The following MIEF1 variants were observed in gnomAD, a reference collection of about 807,000 sequenced individuals.
MIEF1 encodes the protein mitochondrial dynamics protein MIEF1.
A neutral mutation model predicts 35.1 loss-of-function variants in MIEF1; 14 were observed. The ratio of observed to expected loss-of-function variants is 0.40; its 90% CI spans 0.26 to 0.62. The LOEUF (loss-of-function observed/expected upper bound fraction) is 0.62, where lower values mean the gene tolerates loss of function less well. MIEF1 is among the 20% of genes least tolerant of loss of function. The pLI is 0.43. For missense variants in MIEF1, 542 were observed against 615.4 expected, an observed-to-expected ratio of 0.88 and a Z score of 1.26; for synonymous variants, 245 against 254.3, an observed-to-expected ratio of 0.96 and a Z score of 0.35.
chr22:39,503,562 CTAA>C (rs1176893545), intron 1 of MIEF1: 1 of 152,216 alleles, frequency 6.6e-6, no homozygotes, highest in Non-Finnish European at 1.5e-5. Context: ...CTAGGTGCTA[CTAA>C]TAATATCTGC....
Position 39,514,901 on chromosome 22 carries a change from G to T in MIEF1, c.*578G>T. 3.6e-6 allele frequency: 1 copy of T among 276,128 alleles called. No individual in the cohort carries two copies. Among genetic ancestry groups the T allele is most frequent in the Non-Finnish European group, 6.9e-6 (1 of 145,710 alleles). The allele number at this position is 276,128 out of a possible 1,614,324, so 17.1% of individuals were successfully genotyped here. A position where few individuals can be genotyped will look rare whatever the true frequency, so the allele number is the denominator to read the frequency against. Reference sequence around the variant, plus strand: ...GGTAGAAGAGTTGGCCTTTGACCACGGTTCCTGGAGTAGAAGTCCATCCTC... The same window carrying T: ...GGTAGAAGAGTTGGCCTTTGACCACTGTTCCTGGAGTAGAAGTCCATCCTC... On this transcript the variant is annotated 3_prime_UTR_variant, in exon 6 of 6. Transcript: ENST00000325301.
Position 39,514,474 on chromosome 22 carries a change from T to C in MIEF1, c.*151T>C. 1.4e-6 allele frequency: 1 copy of C among 697,184 alleles called. No individual in the cohort carries two copies. The highest frequency in any genetic ancestry group is 2.4e-6 in the Non-Finnish European group (1 of 421,708). 43.2% of individuals were successfully genotyped at this position (697,184 alleles called of 1,614,324 possible). A position where few individuals can be genotyped will look rare whatever the true frequency, so the allele number is the denominator to read the frequency against. ...TCACTTCATGCTGATTAGAATGACA[T>C]CTCTTTCGTCTCCTATTTTGTTACC... is the stretch of plus-strand genomic sequence containing the variant. On this transcript the variant is annotated 3_prime_UTR_variant, in exon 6 of 6. Transcript: ENST00000325301.
chr22:39,517,297 T>C lies in MIEF1; in HGVS notation c.*2974T>C. 4.4e-6 allele frequency: 1 copy of C among 225,698 alleles called. No homozygotes were observed. The highest frequency in any genetic ancestry group is 5.0e-5 in the South Asian group (1 of 19,836). The allele number at this position is 225,698 out of a possible 1,614,324, so 14.0% of individuals were successfully genotyped here. On this transcript the variant is annotated 3_prime_UTR_variant, in exon 6 of 6. Coordinates refer to ENST00000325301, the MANE Select transcript of MIEF1 (RefSeq NM_019008.6). ...TTATTTTGGTTCTCCTCTGTTGCCC[T>C]TCCTAAAAAATGAGCTGAAGATGAC...
intron 5 of MIEF1, among the ~76,000 whole-genome samples, chr22:39,513,135 C>G (rs867817688): frequency 7.2e-6 from 1 of 138,262 alleles, no homozygotes; most frequent in Non-Finnish European, 1.5e-5. Flanking sequence ...GAGTCTTGTT[C>G]TGTTGCCCAG....
intron 5 of MIEF1, 104 bp from the exon 6 acceptor site, chr22:39,513,413 C>A: frequency 8.1e-7 from 1 of 1,239,104 alleles, no homozygotes; most frequent in Non-Finnish European, 1.1e-6. Context: ...CTAGAGTTCC[C>A]ATTCTTGCTG....
At position 39,515,165 on chromosome 22, in the gene MIEF1, G is replaced by A; in HGVS notation, c.*842G>A. 1 of 661,940 alleles carries A rather than the reference G, an allele frequency of 1.5e-6. No individual in the cohort carries two copies. The highest frequency in any genetic ancestry group is 1.7e-5 in the South Asian group (1 of 57,550). 41.0% of individuals were successfully genotyped at this position (661,940 alleles called of 1,614,324 possible). ...GGTCAGACAGACAAGGATGGGGACT[G>A]CCAGGGCACCACTTCATCATGAATG... is the stretch of plus-strand genomic sequence containing the variant. On this transcript the variant is annotated 3_prime_UTR_variant, in exon 6 of 6. Coordinates refer to ENST00000325301, the MANE Select transcript of MIEF1 (RefSeq NM_019008.6).
chr22:39,512,479 C>G lies in MIEF1; in HGVS notation c.570C>G (p.Leu190=), dbSNP rs750355881. ...PLRDMYLSGS[L]YDDLQVVTAD... Reference sequence around the variant, plus strand: ...GGGACATGTACTTGAGTGGCAGCCTCTACGATGACCTGCAGGTAACAAGGT... The same window carrying G: ...GGGACATGTACTTGAGTGGCAGCCTGTACGATGACCTGCAGGTAACAAGGT... The change falls in exon 5 of 6, where the codon CTC becomes CTG. Residue 190 remains leucine, a synonymous_variant. Coordinates refer to ENST00000325301, the MANE Select transcript of MIEF1 (RefSeq NM_019008.6). 6.2e-7 allele frequency: 1 copy of G among 1,611,744 alleles called. No individual in the cohort carries two copies. The highest frequency in any genetic ancestry group is 1.1e-5 in the South Asian group (1 of 90,932).
chr22:39,515,244 G>GGAAC lies in MIEF1; in HGVS notation c.*923_*926dup, dbSNP rs1205517501. On this transcript the variant is annotated 3_prime_UTR_variant, in exon 6 of 6. Coordinates refer to ENST00000325301, the MANE Select transcript of MIEF1 (RefSeq NM_019008.6). Reference sequence around the variant, plus strand: ...TTGCCAATCAGGACAAGGCCTTGAAGGAACGCAGCCTTAGACATCAGGTGA... The same window carrying GGAAC: ...TTGCCAATCAGGACAAGGCCTTGAAGGAACGAACGCAGCCTTAGACATCAGGTGA... 4 of 716,474 alleles carry GGAAC rather than the reference G, an allele frequency of 5.6e-6. No individual in the cohort carries two copies. 44.4% of individuals were successfully genotyped at this position (716,474 alleles called of 1,614,324 possible).
At chr22:39,508,685 A>G (rs1279839729) in intron 2 of MIEF1, among the ~76,000 whole-genome samples, 1 of 152,122 alleles carries the variant, frequency 6.6e-6, no homozygotes, top group African/African-American at 2.4e-5. Flanking sequence ...TGCTCTGTGC[A>G]TTTGAGGTGG....
At chr22:39,502,539 C>G (rs563490690) in intron 1 of MIEF1, 102 bp downstream of exon 1, 1 of 152,356 alleles carries the variant, frequency 6.6e-6, no homozygotes, top group Non-Finnish European at 1.5e-5. Flanking sequence ...GGCCCGGAGT[C>G]AGGATACCAG....
rs1478795446 is a variant in MIEF1, at chr22:39,512,018, T to C, written c.314T>C (p.Phe105Ser). The C allele has an allele frequency of 6.2e-7, 1 of 1,612,610 alleles. No individual in the cohort carries two copies. ...LQTLPTDSSTFDTDTFCPPRP... is the reference protein window; with the variant it reads ...LQTLPTDSSTSDTDTFCPPRP... ...ACCCTTCCCACAGACTCCTCCACCT[T>C]CGACACAGGTGAGAAGGGCTGCTGC... The change falls in exon 4 of 6, where the codon TTC becomes TCC. Residue 105 changes from phenylalanine (F) to serine (S), a missense_variant. Phe to Ser is a radical substitution (Grantham distance 155, BLOSUM62 -2). Coordinates refer to ENST00000325301, the MANE Select transcript of MIEF1 (RefSeq NM_019008.6).
At chr22:39,512,789 G>A (rs1461168142) in intron 5 of MIEF1, among the ~76,000 whole-genome samples, 1 of 152,048 alleles carries the variant, frequency 6.6e-6, no homozygotes, top group Non-Finnish European at 1.5e-5. Context: ...TGGGATTACA[G>A]GTGTGTGCCA....
chr22:39,517,220 C>A lies in MIEF1; in HGVS notation c.*2897C>A, dbSNP rs1353707085. The A allele has an allele frequency of 5.8e-6, 1 of 172,196 alleles. No homozygotes were observed. The highest frequency in any genetic ancestry group is 1.3e-5 in the Non-Finnish European group (1 of 79,436). 10.7% of individuals were successfully genotyped at this position (172,196 alleles called of 1,614,324 possible). A position where few individuals can be genotyped will look rare whatever the true frequency, so the allele number is the denominator to read the frequency against. ...CAAGGTTAGCAAACTTTATACGTAGCCTAACACTTAAAAAATGCACTCATT... is the reference window on the plus strand; with the variant it reads ...CAAGGTTAGCAAACTTTATACGTAGACTAACACTTAAAAAATGCACTCATT... On this transcript the variant is annotated 3_prime_UTR_variant, in exon 6 of 6. Coordinates refer to ENST00000325301, the MANE Select transcript of MIEF1 (RefSeq NM_019008.6).
intron 4 of MIEF1, 96 bp from the exon 5 acceptor site, chr22:39,512,136 G>A: frequency 6.4e-7 from 1 of 1,557,788 alleles, no homozygotes; most frequent in Non-Finnish European, 8.7e-7. Flanking sequence ...GCCAGCACTT[G>A]CCCTCCATGC....
rs1930653066 is a variant in MIEF1, at chr22:39,516,059, G to C, written c.*1736G>C. ...ACAAGGATTTCTTATGGTGGTTTCA[G>C]TTTCATTTGCATAAAGGTATTGAGA... is the stretch of plus-strand genomic sequence containing the variant. On this transcript the variant is annotated 3_prime_UTR_variant, in exon 6 of 6. Coordinates refer to ENST00000325301, the MANE Select transcript of MIEF1 (RefSeq NM_019008.6). 6.6e-6 allele frequency: 1 copy of C among 151,600 alleles called. No homozygotes were observed. The allele number at this position is 151,600 out of a possible 1,614,324, so 9.4% of individuals were successfully genotyped here.
upstream of MIEF1, among the ~76,000 whole-genome samples, chr22:39,500,868 G>T (rs1929667388): frequency 6.6e-6 from 1 of 151,834 alleles, no homozygotes; most frequent in African/African-American, 2.4e-5. Context: ...GCTAATTTTT[G>T]TATTTTTAGT....
chr22:39,507,843 T>C, intron 2 of MIEF1, among the ~76,000 whole-genome samples: 1 of 151,934 alleles, frequency 6.6e-6, no homozygotes. Context: ...CCAGCCTGGG[T>C]GACAGAGTGA....
chr22:39,510,319 G>C (rs988613029), intron 2 of MIEF1, among the ~76,000 whole-genome samples: 5 of 152,108 alleles, frequency 3.3e-5, no homozygotes, highest in African/African-American at 1.2e-4. Context: ...TGAGGCTAGA[G>C]TGCAGTGGCG....
rs1344073391 is a variant in MIEF1, at chr22:39,516,853, A to G, written c.*2530A>G. The G allele has an allele frequency of 1.3e-5, 2 of 152,238 alleles. No individual in the cohort carries two copies. Among genetic ancestry groups the G allele is most frequent in the Admixed American group, 6.5e-5 (1 of 15,278 alleles). The allele number at this position is 152,238 out of a possible 1,614,324, so 9.4% of individuals were successfully genotyped here. A position where few individuals can be genotyped will look rare whatever the true frequency, so the allele number is the denominator to read the frequency against. ...TCTCTTTTAACTGTTGGACAAAACC[A>G]TAACTTTGTCATTTTACAAGGAAGA... On this transcript the variant is annotated 3_prime_UTR_variant, in exon 6 of 6. Transcript: ENST00000325301.
Sources: gnomAD v4.1 joint callset for allele counts (sites outside exome capture counted in the v4.1 genomes callset) on GRCh38, gnomAD v4.1.1 for gene constraint, MANE v1.5 for transcripts, NCBI Gene and HGNC (gene_info 2026-07-23, HGNC 2026-07-21) for gene names.